The following PRORP variants were observed in gnomAD, a reference collection of about 807,000 sequenced individuals.
PRORP encodes mitochondrial ribonuclease P catalytic subunit.
A neutral mutation model predicts 59.4 loss-of-function variants in PRORP; 51 were observed. That is an observed-to-expected ratio of 0.86 (90% CI 0.69 to 1.08). The LOEUF (loss-of-function observed/expected upper bound fraction) is 1.08. Ranked by LOEUF, PRORP falls within the 50% of genes least tolerant of loss-of-function variation. The pLI is 0.00. For synonymous variants in PRORP, 231 were observed against 245.6 expected (o/e 0.94, Z 0.55); for missense variants, 646 against 690.3 (o/e 0.94, Z 0.72).
intron 4 of PRORP, among the ~76,000 whole-genome samples, chr14:35,165,211 C>A (rs2048154002): frequency 1.3e-5 from 2 of 152,134 alleles, no homozygotes; most frequent in Admixed American, 1.3e-4. Context: ...TGGGGTCTTA[C>A]TACGTTGCCC....
intron 5 of PRORP, among the ~76,000 whole-genome samples, chr14:35,218,330 G>A (rs1294204460): frequency 6.6e-6 from 1 of 151,462 alleles, no homozygotes; most frequent in Non-Finnish European, 1.5e-5. Context: ...GTGTGGTGGT[G>A]TGCACTTGTA....
chr14:35,184,242 G>A (rs956812656), intron 5 of PRORP, among the ~76,000 whole-genome samples: 3 of 151,920 alleles, frequency 2.0e-5, no homozygotes, highest in Non-Finnish European at 2.9e-5. Flanking sequence ...ATAGCTTAAG[G>A]GTGATAGAGA....
chr14:35,218,589 C>T (rs575901218), intron 5 of PRORP, among the ~76,000 whole-genome samples: 15 of 130,464 alleles, frequency 1.1e-4, no homozygotes, highest in Middle Eastern at 5.8e-3. Context: ...TGCAGCGGCG[C>T]GATCTCAGCT....
At chr14:35,121,879 G>C, upstream of PRORP, 1 of 1,613,670 alleles carries the variant, frequency 6.2e-7, no homozygotes. Context: ...CCATCCCAAC[G>C]GGCTGCCCCT....
intron 4 of PRORP, among the ~76,000 whole-genome samples, chr14:35,175,978 C>A (rs958130874): frequency 3.3e-5 from 5 of 152,076 alleles, no homozygotes; most frequent in African/African-American, 1.2e-4. Flanking sequence ...GTTTTCCCAG[C>A]ACCATTTATT....
rs1228155290 is a variant in PRORP at position 35,139,944 on chromosome 14, A to G, written c.1167+12333A>G. The stretch of plus-strand genomic sequence containing the variant: ...CCTTGGCTTTTAGCTGCATCACTCC[A>G]TTCTCTGCGTCTGTCTTCATGTGGC... On this transcript the variant is annotated intron_variant, in intron 4 of 7. Coordinates refer to ENST00000534898, the MANE Select transcript of PRORP (RefSeq NM_014672.4). Among the ~76,000 whole-genome samples, 5 of 144,990 alleles carry G rather than the reference A, an allele frequency of 3.4e-5. 1 individual carries two copies. The highest frequency in any genetic ancestry group is 4.9e-5 in the African/African-American group (2 of 40,924).
chr14:35,191,878 C>A (rs1014400620), intron 5 of PRORP, among the ~76,000 whole-genome samples: 1 of 151,674 alleles, frequency 6.6e-6, no homozygotes, highest in African/African-American at 2.4e-5. Context: ...GGTTTTAACC[C>A]CAGTAGACTG....
intron 6 of PRORP, among the ~76,000 whole-genome samples, chr14:35,269,281 A>G (rs1594362780): frequency 6.6e-6 from 1 of 152,212 alleles, no homozygotes; most frequent in African/African-American, 2.4e-5. Context: ...AGTTGCTGTC[A>G]TGATCATTAT....
intron 4 of PRORP, among the ~76,000 whole-genome samples, chr14:35,143,285 C>G (rs1309101261): frequency 6.9e-6 from 1 of 144,488 alleles, no homozygotes; most frequent in Non-Finnish European, 1.5e-5. Context: ...TCAGCCTCCC[C>G]CGAGTAGCTG....
intron 5 of PRORP, among the ~76,000 whole-genome samples, chr14:35,183,800 G>C (rs2048677401): frequency 6.6e-6 from 1 of 152,116 alleles, no homozygotes; most frequent in South Asian, 2.1e-4. Context: ...TAAGTGAAAA[G>C]GGCTGGATGG....
At chr14:35,127,811 T>C (rs1269061509) in intron 4 of PRORP, among the ~76,000 whole-genome samples, 200 bp downstream of exon 4, 1 of 152,218 alleles carries the variant, frequency 6.6e-6, no homozygotes, top group Non-Finnish European at 1.5e-5. Flanking sequence ...CCAGTAAACT[T>C]TATTCATGAA....
intron 5 of PRORP, among the ~76,000 whole-genome samples, chr14:35,260,073 A>G (rs1018370970): frequency 5.3e-5 from 7 of 131,896 alleles, no homozygotes; most frequent in African/African-American, 1.7e-4. Context: ...GTGCAGTGGC[A>G]CTATCATAGC....
chr14:35,252,850 C>T (rs1345043472), intron 5 of PRORP, among the ~76,000 whole-genome samples: 1 of 152,162 alleles, frequency 6.6e-6, no homozygotes, highest in Non-Finnish European at 1.5e-5. Flanking sequence ...TATGTTTAGA[C>T]CTACCCTTAT....
chr14:35,247,402 A>G (rs1316782116), intron 5 of PRORP, among the ~76,000 whole-genome samples: 1 of 152,112 alleles, frequency 6.6e-6, no homozygotes, highest in African/African-American at 2.4e-5. Flanking sequence ...ATATATTTCG[A>G]ACAGACAGTA....
At chr14:35,155,917 C>A (rs1184245886) in intron 4 of PRORP, among the ~76,000 whole-genome samples, 1 of 152,170 alleles carries the variant, frequency 6.6e-6, no homozygotes, top group African/African-American at 2.4e-5. Context: ...TAGAGTAGAA[C>A]AACTAATTTA....
intron 5 of PRORP, among the ~76,000 whole-genome samples, chr14:35,208,587 T>C (rs571275505): frequency 6.6e-6 from 1 of 152,310 alleles, no homozygotes; most frequent in Admixed American, 6.5e-5. Context: ...AAATTATTAA[T>C]GGCCGGGCAT....
intron 4 of PRORP, among the ~76,000 whole-genome samples, chr14:35,176,280 A>G (rs2048447573): frequency 6.6e-6 from 1 of 152,144 alleles, no homozygotes; most frequent in East Asian, 1.9e-4. Flanking sequence ...CTGTGAAGAA[A>G]GTCATTGGTA....
intron 5 of PRORP, among the ~76,000 whole-genome samples, chr14:35,202,273 A>G (rs1447927734): frequency 6.6e-6 from 1 of 151,732 alleles, no homozygotes; most frequent in African/African-American, 2.4e-5. Flanking sequence ...ATTATTTTTT[A>G]AAAGCTAAAA....
intron 5 of PRORP, among the ~76,000 whole-genome samples, chr14:35,190,653 G>T (rs549578559): frequency 1.3e-5 from 2 of 152,062 alleles, no homozygotes; most frequent in South Asian, 4.2e-4. Context: ...TTACAGGCAC[G>T]TGCCACCACG....
Sources: allele counts gnomAD v4.1 joint callset (sites outside exome capture counted in the v4.1 genomes callset), GRCh38; gene constraint gnomAD v4.1.1; transcripts MANE v1.5; gene names NCBI Gene and HGNC (gene_info 2026-07-23, HGNC 2026-07-21).